Variants in SEC16A observed in about 807,000 individuals in gnomAD.
The protein encoded by SEC16A is protein transport protein Sec16A.
In SEC16A, 110 loss-of-function variants were observed where a neutral mutation model predicts 221.9. The observed-to-expected ratio is 0.50, with a 90% CI of 0.42 to 0.58. SEC16A has a LOEUF of 0.58. Ranked by LOEUF, SEC16A falls within the 20% of genes least tolerant of loss-of-function variation. The pLI is 0.00. For synonymous variants in SEC16A, 1,393 were observed against 1,257.7 expected, an observed-to-expected ratio of 1.11 and a Z score of -2.28; for missense variants, 3,165 against 3,097.8, an observed-to-expected ratio of 1.02 and a Z score of -0.52.
rs192541224 is a variant in SEC16A, at chr9:136,477,475, C to T, written c.141G>A (p.Pro47=). The change falls in exon 3 of 32, where the codon CCG becomes CCA. Residue 47 remains proline (P), a synonymous_variant. Coordinates refer to ENST00000684901, the MANE Select transcript of SEC16A (RefSeq NM_014866.2). ...NNAAVAPTTC[P]LQPVTDPFAF... Reference sequence around the variant, plus strand: ...CAAATGGATCCGTGACCGGCTGCAACGGGCAAGTTGTCGGAGCCACTGCTG... The same window carrying T: ...CAAATGGATCCGTGACCGGCTGCAATGGGCAAGTTGTCGGAGCCACTGCTG... 2.8e-5 allele frequency: 45 copies of T among 1,613,982 alleles called. No individual in the cohort carries two copies. The East Asian group carries it at 6.0e-4, about 22-fold the overall frequency.
upstream of SEC16A, chr9:136,483,581 C>T (rs1842692321): frequency 2.0e-6 from 2 of 985,382 alleles, no homozygotes; most frequent in Non-Finnish European, 2.4e-6. Flanking sequence ...GCCCTGTTTA[C>T]GCTGGCTCTT....
chr9:136,441,535 A>T lies in SEC16A; in HGVS notation c.*220T>A. On this transcript the variant is annotated 3_prime_UTR_variant, in exon 32 of 32. Transcript: ENST00000684901. ...CTTTTCGGCAAACAATTCTGAGTCAAAGATTCAGTCTTTCCATCCAGAATC... is the reference window on the plus strand; with the variant it reads ...CTTTTCGGCAAACAATTCTGAGTCATAGATTCAGTCTTTCCATCCAGAATC... The T allele has an allele frequency of 1.7e-6, 1 of 573,024 alleles. No homozygotes were observed. The highest frequency in any genetic ancestry group is 2.1e-5 in the South Asian group (1 of 46,962). 35.5% of individuals were successfully genotyped at this position (573,024 alleles called of 1,614,324 possible).
chr9:136,466,972 G>C lies in SEC16A; in HGVS notation c.3914C>G (p.Ser1305Cys). 6.2e-7 allele frequency: 1 copy of C among 1,613,360 alleles called. No individual in the cohort carries two copies. The highest frequency in any genetic ancestry group is 8.5e-7 in the Non-Finnish European group (1 of 1,179,712). ...AEYDAYRREH[S>C]AFGDRPEKRD... is the part of the protein sequence containing the mutation. Reference sequence around the variant, plus strand: ...CTCCACCAACCTGTCCCCGAAGGCAGAGTGCTCTCTCCTGTATGCGTCATA... The same window carrying C: ...CTCCACCAACCTGTCCCCGAAGGCACAGTGCTCTCTCCTGTATGCGTCATA... The change falls in exon 6 of 32, where the codon TCT becomes TGT. Residue 1305 changes from serine (S) to cysteine (C), a missense_variant. This residue lies in a region of SEC16A where 2,030 missense variants were observed against 1,923.1 expected (regional missense o/e 1.06). Coordinates refer to ENST00000684901, the MANE Select transcript of SEC16A (RefSeq NM_014866.2). This position sits in a 1 kb window ranked among gnomAD's most constrained non-coding sequence, Gnocchi z 5.5.
At chr9:136,482,183 C>A (rs1842462666) in intron 1 of SEC16A, among the ~76,000 whole-genome samples, 1 of 152,190 alleles carries the variant, frequency 6.6e-6, no homozygotes, top group Admixed American at 6.5e-5. Flanking sequence ...CGCAGGGAGG[C>A]TGCATTGTGC....
chr9:136,458,404 A>G (rs1286066583), intron 17 of SEC16A, among the ~76,000 whole-genome samples: 12 of 151,870 alleles, frequency 7.9e-5, no homozygotes, highest in Non-Finnish European at 1.6e-4. Context: ...TGAGGTGGGC[A>G]GATCACAAGG....
At chr9:136,483,172 C>T, upstream of SEC16A, 1 of 291,598 alleles carries the variant, frequency 3.4e-6, no homozygotes, top group Non-Finnish European at 5.1e-6. Flanking sequence ...CAGCCCATCC[C>T]TCGGCCCCGC....
In SEC16A at chr9:136,447,240, G is replaced by A. The variant is rs774444602; in HGVS notation, c.6684C>T (p.Phe2228=). ...LAPLPIPSNL[F]VPTPDAEEPQ... Reference sequence around the variant, plus strand: ...CGTGCTACCTACCTGGGGTTGGCACGAACAAGTTAGAAGGAATTGGGAGTG... The same window carrying A: ...CGTGCTACCTACCTGGGGTTGGCACAAACAAGTTAGAAGGAATTGGGAGTG... Residue 2228 remains phenylalanine, a synonymous_variant, in exon 27 of 32, where the codon TTC becomes TTT. Transcript: ENST00000684901. This position sits in a 1 kb window ranked among gnomAD's most constrained non-coding sequence, Gnocchi z 5.5. The A allele has an allele frequency of 2.2e-5, 35 of 1,594,588 alleles. No individual in the cohort carries two copies. Among genetic ancestry groups the A allele is most frequent in the South Asian group, 8.0e-5 (7 of 87,734 alleles).
rs35228326 is a variant in SEC16A at position 136,452,769 on chromosome 9, GAA to G, written c.6159+657_6159+658del. ...CGACAGAGCGAAACTATGTCTTAGG[GAA>G]AAAAAAAAAAAAAAAAAAAGGCCAG... On this transcript the variant is annotated intron_variant, in intron 22 of 31. Coordinates refer to ENST00000684901, the MANE Select transcript of SEC16A (RefSeq NM_014866.2). Among the ~76,000 whole-genome samples, 54 of 77,920 alleles carry G rather than the reference GAA, an allele frequency of 6.9e-4. 1 individual carries two copies. Among genetic ancestry groups the G allele is most frequent in the South Asian group, 1.5e-3 (3 of 2,022 alleles). The allele number at this position is 77,920 out of a possible 152,430, so 51.1% of individuals were successfully genotyped here.
In SEC16A at chr9:136,466,874, T is replaced by C. The variant is rs1333734396; in HGVS notation, c.3929+83A>G. The C allele has an allele frequency of 2.7e-6, 4 of 1,484,932 alleles. No homozygotes were observed. The highest frequency in any genetic ancestry group is 3.6e-6 in the Non-Finnish European group (4 of 1,110,856). 92.0% of individuals were successfully genotyped at this position (1,484,932 alleles called of 1,614,324 possible). ...CACCCAAACTACCACAGCTCTTTGT[T>C]AAAACCCAGACATGAGGGCAGAGAA... On this transcript the variant is annotated intron_variant, in intron 6 of 31. Transcript: ENST00000684901. The surrounding 1 kb of genome is among the most constrained non-coding windows in gnomAD (Gnocchi z 5.5).
rs746159821 is a variant in SEC16A, at chr9:136,462,921, C to A, written c.4859G>T (p.Arg1620Met). Residue 1620 changes from arginine (R) to methionine (M), a missense_variant, in exon 12 of 32, where the codon AGG becomes ATG. Physicochemically the swap from Arg to Met is moderately conservative, Grantham distance 91. This residue lies in a region of SEC16A where 1,088 missense variants were observed against 1,089.6 expected (regional missense o/e 1.00). Transcript: ENST00000684901. ...AASSLERETE[R>M]FRELLLYGRK... is the part of the protein sequence containing the mutation. ...GCCATACAGCAACAGCTCCCTGAACCTCTCGGTCTCTCTCTCGAGCGAGCT... is the reference window on the plus strand; with the variant it reads ...GCCATACAGCAACAGCTCCCTGAACATCTCGGTCTCTCTCTCGAGCGAGCT... 6.2e-7 allele frequency: 1 copy of A among 1,603,112 alleles called. No homozygotes were observed. The highest frequency in any genetic ancestry group is 8.5e-7 in the Non-Finnish European group (1 of 1,179,828).
chr9:136,463,660 GC>G lies in SEC16A; in HGVS notation c.4508+18del. ...TGCAAGGCCGGGCTCACAAAGAAAT[GC>G]CTCAACAAGGAACATACTTGGCCAG... On this transcript the variant is annotated intron_variant, in intron 10 of 31. Coordinates refer to ENST00000684901, the MANE Select transcript of SEC16A (RefSeq NM_014866.2). 2 of 1,613,584 alleles carry G rather than the reference GC, an allele frequency of 1.2e-6. No individual in the cohort carries two copies. The highest frequency in any genetic ancestry group is 1.7e-6 in the Non-Finnish European group (2 of 1,179,742).
chr9:136,457,166 C>T (rs1483700264), intron 18 of SEC16A, among the ~76,000 whole-genome samples: 2 of 152,224 alleles, frequency 1.3e-5, no homozygotes, highest in Non-Finnish European at 2.9e-5. Flanking sequence ...CAGAGTGAGA[C>T]TGCGTCTCAA....
At position 136,441,827 on chromosome 9, in the gene SEC16A, G is replaced by A. The variant is rs202000827; in HGVS notation, c.7006-4C>T. On this transcript the variant is annotated splice_polypyrimidine_tract_variant and splice_region_variant and intron_variant, in intron 31 of 31. Transcript: ENST00000684901. Reference sequence around the variant, plus strand: ...AGCTCCCGGAGGTGGCGCAGGCCTGGAATGAAATCAACAGCATGACCTCTG... The same window carrying A: ...AGCTCCCGGAGGTGGCGCAGGCCTGAAATGAAATCAACAGCATGACCTCTG... 385 of 1,612,512 alleles carry A rather than the reference G, an allele frequency of 2.4e-4. No homozygotes were observed. The highest frequency in any genetic ancestry group is 2.1e-4 in the Non-Finnish European group (246 of 1,179,608).
In SEC16A at chr9:136,453,471, G is replaced by C. The variant is rs896234953; in HGVS notation, c.6116C>G (p.Ser2039Cys). The change falls in exon 22 of 32, where the codon TCC (serine) becomes TGC (cysteine). Residue 2039 changes from serine (S) to cysteine (C), a missense_variant. Around this residue, in one of 3 missense-constraint regions of SEC16A, gnomAD observed 1,088 missense variants for 1,089.6 expected, o/e 1.00. Coordinates refer to ENST00000684901, the MANE Select transcript of SEC16A (RefSeq NM_014866.2). ...ATCAAAATTTTCTTCGCTTAGCTCG[G>C]AAAGTGAGTTTCCAACAGGCGCCTC... Reference protein sequence around the residue: ...PQEAPVGNSLSELSEENFDGK... With the variant: ...PQEAPVGNSLCELSEENFDGK... The C allele has an allele frequency of 1.9e-6, 3 of 1,613,328 alleles. No homozygotes were observed. Among genetic ancestry groups the C allele is most frequent in the African/African-American group, 2.7e-5 (2 of 74,936 alleles).
chr9:136,477,746 A>G lies in SEC16A; in HGVS notation c.-69-62T>C, dbSNP rs1428493915. The G allele has an allele frequency of 2.9e-6, 4 of 1,377,004 alleles. No homozygotes were observed. In the East Asian group the frequency reaches 1.0e-4, roughly 35 times the overall value. The allele number at this position is 1,377,004 out of a possible 1,614,324, so 85.3% of individuals were successfully genotyped here. On this transcript the variant is annotated intron_variant, in intron 2 of 31. Transcript: ENST00000684901. ...TATATTCAAAGTCCTAGCTGCAATC[A>G]GGAAAACTAAGGAAAAAGAGAAACA...
intron 21 of SEC16A, 74 bp downstream of exon 21, chr9:136,454,035 C>A (rs1442054475): frequency 1.5e-6 from 2 of 1,337,172 alleles, no homozygotes; most frequent in African/African-American, 2.9e-5. Context: ...TAACTTCAAT[C>A]TCTTCCACCA....
chr9:136,480,534 C>A (rs894494879), intron 1 of SEC16A, among the ~76,000 whole-genome samples: 1 of 152,058 alleles, frequency 6.6e-6, no homozygotes, highest in East Asian at 1.9e-4. Context: ...CCTAAAAAAC[C>A]CGGGTTTAAT....
chr9:136,455,286 TGCG>T, intron 20 of SEC16A, among the ~76,000 whole-genome samples: 1 of 152,020 alleles, frequency 6.6e-6, no homozygotes, highest in South Asian at 2.1e-4. Context: ...CCAGACACGG[TGCG>T]GCTGAGGCTC....
intron 1 of SEC16A, among the ~76,000 whole-genome samples, chr9:136,480,496 A>G (rs1484824475): frequency 6.6e-6 from 1 of 152,176 alleles, no homozygotes; most frequent in Non-Finnish European, 1.5e-5. Context: ...TTGTCTATAA[A>G]ATGCGAGAAT....
Sources: gnomAD v4.1 joint callset for allele counts (sites outside exome capture counted in the v4.1 genomes callset) on GRCh38, gnomAD v4.1.1 for gene constraint, gnomAD v4.1.1 regional missense constraint, Gnocchi (gnomAD v3.1) non-coding constraint, MANE v1.5 for transcripts, NCBI Gene and HGNC (gene_info 2026-07-23, HGNC 2026-07-21) for gene names.